TRIM71: variants seen among roughly 807,000 people sequenced by gnomAD.
TRIM71 encodes tripartite motif containing 71.
A neutral mutation model predicts 61.2 loss-of-function variants in TRIM71; 9 were observed. The observed-to-expected ratio is 0.15, with a 90% CI of 0.09 to 0.26. The LOEUF is 0.26. Ranked by LOEUF, TRIM71 falls within the 10% of genes least tolerant of loss-of-function variation. The pLI, the probability that TRIM71 is intolerant of heterozygous loss-of-function variation, is 1.00. For missense variants in TRIM71, 998 were observed against 1,238.7 expected (o/e 0.81, Z 2.92); for synonymous variants, 645 against 553.2 (o/e 1.17, Z -2.33).
chr3:32,821,413 C>G (rs999729878), intron 1 of TRIM71, among the ~76,000 whole-genome samples: 1 of 152,114 alleles, frequency 6.6e-6, no homozygotes, highest in Admixed American at 6.5e-5. Flanking sequence ...GGCCCAAACA[C>G]CCTACCCCAG....
Position 32,891,421 on chromosome 3 carries a change from C to T in TRIM71, c.2217C>T (p.Phe739=), listed in dbSNP as rs761624472. Residue 739 remains phenylalanine, a synonymous_variant, in exon 4 of 4, where the codon TTC becomes TTT. Transcript: ENST00000383763. This position sits in a 1 kb window ranked among gnomAD's most constrained non-coding sequence, Gnocchi z 8.2. ...GTGTCTTCCTAAACAAGTATGGCTTCGAGGGGGCTCTCTGGAAGCACTTTG... is the reference window on the plus strand; with the variant it reads ...GTGTCTTCCTAAACAAGTATGGCTTTGAGGGGGCTCTCTGGAAGCACTTTG... ...PDGVFLNKYG[F]EGALWKHFDS... The T allele has an allele frequency of 3.1e-6, 5 of 1,613,974 alleles. No individual in the cohort carries two copies. Among genetic ancestry groups the T allele is most frequent in the East Asian group, 4.5e-5 (2 of 44,882 alleles).
At chr3:32,841,647 G>GAAA (rs1331631465) in intron 1 of TRIM71, among the ~76,000 whole-genome samples, 63 of 152,074 alleles carry the variant, frequency 4.1e-4, no homozygotes, top group Non-Finnish European at 7.5e-4. Flanking sequence ...AAAAGCCCCA[G>GAAA]AGGCAGGGAT....
At chr3:32,876,251 C>T (rs1439588602) in intron 2 of TRIM71, among the ~76,000 whole-genome samples, 27 of 152,124 alleles carry the variant, frequency 1.8e-4, no homozygotes, top group Admixed American at 1.8e-3. Context: ...CTCCTCGACA[C>T]CGGTGCCCTC....
In TRIM71 at chr3:32,890,962, C is replaced by T. The variant is rs537731640; in HGVS notation, c.1758C>T (p.Tyr586=). The T allele has an allele frequency of 4.7e-5, 76 of 1,614,192 alleles. No homozygotes were observed. Among genetic ancestry groups the T allele is most frequent in the African/African-American group, 1.7e-4 (13 of 75,062 alleles). Residue 586 remains tyrosine, a synonymous_variant, in exon 4 of 4, where the codon TAC becomes TAT. Coordinates refer to ENST00000383763, the MANE Select transcript of TRIM71 (RefSeq NM_001039111.3). The surrounding 1 kb of genome is among the most constrained non-coding windows in gnomAD (Gnocchi z 6.2). ...FKVVVKSGRS[Y]VGIGLPGLSF... ...TGGTGGTCAAGTCAGGCCGCAGCTA[C>T]GTGGGCATTGGGCTCCCGGGCCTGA...
At chr3:32,873,358 T>C (rs1365280689) in intron 1 of TRIM71, among the ~76,000 whole-genome samples, 3 of 152,196 alleles carry the variant, frequency 2.0e-5, no homozygotes, top group Admixed American at 2.0e-4. Context: ...TAACCTTGCT[T>C]CACACATCTA....
Position 32,873,066 on chromosome 3 carries a change from TCC to T in TRIM71, c.853-750_853-749del, listed in dbSNP as rs1559548231. ...TTGTGCCAGCCCTTCTCTCTCTTCC[TCC>T]CTCCCTCCCTCCCTCCCTCCCTCCC... On this transcript the variant is annotated intron_variant, in intron 1 of 3. Coordinates refer to ENST00000383763, the MANE Select transcript of TRIM71 (RefSeq NM_001039111.3). Among the ~76,000 whole-genome samples, 248 of 79,204 alleles carry T rather than the reference TCC, an allele frequency of 3.1e-3. 2 individuals carry two copies. The highest frequency in any genetic ancestry group is 8.2e-3 in the African/African-American group (205 of 24,908). The allele number at this position is 79,204 out of a possible 152,430, so 52.0% of individuals were successfully genotyped here. A position where few individuals can be genotyped will look rare whatever the true frequency, so the allele number is the denominator to read the frequency against.
In TRIM71 at chr3:32,876,973, G is replaced by A. The variant is rs537595406; in HGVS notation, c.1020+2988G>A. Reference sequence around the variant, plus strand: ...ATTCAAATGTTAGTTGAAAGTGTGTGCCCAACATTAATCTGAATACTAGAT... The same window carrying A: ...ATTCAAATGTTAGTTGAAAGTGTGTACCCAACATTAATCTGAATACTAGAT... On this transcript the variant is annotated intron_variant, in intron 2 of 3. Transcript: ENST00000383763. 2.6e-5 allele frequency among the ~76,000 whole-genome samples: 4 copies of A among 152,170 alleles called. No individual in the cohort carries two copies. In the South Asian group the frequency reaches 8.3e-4, roughly 32 times the overall value.
intron 1 of TRIM71, among the ~76,000 whole-genome samples, chr3:32,834,509 G>A (rs1236456024): frequency 1.3e-5 from 2 of 152,090 alleles, no homozygotes; most frequent in Non-Finnish European, 2.9e-5. Flanking sequence ...AAATATACCA[G>A]GGCTTCCTAG....
rs1697013371 is a variant in TRIM71, at chr3:32,890,567, G to C, written c.1363G>C (p.Glu455Gln). ...KTVRSLLQPQ[E>Q]DDRVMFTPPD... ...CGTGCGGAGCCTCCTGCAGCCCCAG[G>C]AAGACGACCGAGTCATGTTCACACC... Residue 455 changes from glutamate to glutamine, a missense_variant, in exon 4 of 4, where the codon GAA (glutamate) becomes CAA (glutamine). By Grantham distance (29) the Glu-to-Gln change is conservative. Transcript: ENST00000383763. The surrounding 1 kb of genome is among the most constrained non-coding windows in gnomAD (Gnocchi z 6.2). 1 of 1,613,902 alleles carries C rather than the reference G, an allele frequency of 6.2e-7. No individual in the cohort carries two copies. Among genetic ancestry groups the C allele is most frequent in the African/African-American group, 1.3e-5 (1 of 74,934 alleles).
intron 1 of TRIM71, among the ~76,000 whole-genome samples, chr3:32,829,626 T>TTTGTGTGTG (rs1553643443): frequency 1.3e-5 from 2 of 148,680 alleles, no homozygotes; most frequent in South Asian, 2.1e-4. Context: ...TGTCATGGTA[T>TTTGTGTGTG]TGTGTGTGTG....
At chr3:32,844,391 A>T (rs1696446836) in intron 1 of TRIM71, among the ~76,000 whole-genome samples, 1 of 152,110 alleles carries the variant, frequency 6.6e-6, no homozygotes, top group Admixed American at 6.6e-5. Context: ...GTCAGTCATA[A>T]CTTCACTTTT....
chr3:32,822,840 C>CT (rs1181416337), intron 1 of TRIM71, among the ~76,000 whole-genome samples: 24 of 152,104 alleles, frequency 1.6e-4, no homozygotes, highest in Admixed American at 1.5e-3. Context: ...TCAGATGTAA[C>CT]TAAGTTGGTG....
Position 32,845,844 on chromosome 3 carries a change from C to G in TRIM71, c.852+26912C>G, listed in dbSNP as rs1036433489. Among the ~76,000 whole-genome samples the G allele has an allele frequency of 2.6e-5, 4 of 151,506 alleles. No individual in the cohort carries two copies. The South Asian group carries it at 6.3e-4, about 24-fold the overall frequency. On this transcript the variant is annotated intron_variant, in intron 1 of 3. Coordinates refer to ENST00000383763, the MANE Select transcript of TRIM71 (RefSeq NM_001039111.3). ...CAAGTGATTCTCCTGTCTCAGCCTC[C>G]CGAGTAGCTGGGATTACAGGCACCT...
At chr3:32,833,387 C>A (rs1018757866) in intron 1 of TRIM71, among the ~76,000 whole-genome samples, 7 of 151,920 alleles carry the variant, frequency 4.6e-5, no homozygotes, top group African/African-American at 1.4e-4. Context: ...AGTCCCACAT[C>A]CCTCAGGCCC....
intron 1 of TRIM71, among the ~76,000 whole-genome samples, chr3:32,826,576 T>G (rs1696204145): frequency 7.6e-6 from 1 of 131,102 alleles, no homozygotes; most frequent in Non-Finnish European, 1.6e-5. Flanking sequence ...TCCCATCAGG[T>G]GAGTTCTTTT....
In TRIM71 at chr3:32,847,822, G is replaced by A. The variant is rs1038634672; in HGVS notation, c.853-25996G>A. 2.5e-3 allele frequency among the ~76,000 whole-genome samples: 374 copies of A among 152,212 alleles called. 1 individual carries two copies. The highest frequency in any genetic ancestry group is 8.7e-3 in the African/African-American group (361 of 41,540). On this transcript the variant is annotated intron_variant, in intron 1 of 3. Transcript: ENST00000383763. The stretch of plus-strand genomic sequence containing the variant: ...CAATATGGGGCTGGTTTTTTGTTTT[G>A]TTTTGGGAGTGTAATGTTTTATATA...
intron 1 of TRIM71, among the ~76,000 whole-genome samples, chr3:32,826,473 A>G (rs968021426): frequency 8.6e-5 from 13 of 151,772 alleles, no homozygotes; most frequent in Middle Eastern, 3.4e-3. Flanking sequence ...AGTTTTAGAG[A>G]TACTCATATT....
At chr3:32,819,720 T>C (rs993562396) in intron 1 of TRIM71, among the ~76,000 whole-genome samples, 10 of 152,102 alleles carry the variant, frequency 6.6e-5, no homozygotes, top group African/African-American at 9.7e-5. Context: ...CGACGTTACC[T>C]TCACCAGCCT....
At chr3:32,842,726 CAG>C (rs1205724296) in intron 1 of TRIM71, among the ~76,000 whole-genome samples, 3 of 152,038 alleles carry the variant, frequency 2.0e-5, no homozygotes, top group African/African-American at 7.2e-5. Context: ...CTTATACAGA[CAG>C]GCCTTAGCCA....
Sources: allele counts gnomAD v4.1 joint callset (sites outside exome capture counted in the v4.1 genomes callset), GRCh38; gene constraint gnomAD v4.1.1; non-coding constraint Gnocchi (gnomAD v3.1); transcripts MANE v1.5; gene names NCBI Gene and HGNC (gene_info 2026-07-23, HGNC 2026-07-21).